The following BCAM variants were observed in gnomAD, a reference collection of about 807,000 sequenced individuals.
BCAM encodes basal cell adhesion molecule (Lutheran blood group).
BCAM carries 61 observed loss-of-function variants against 72.4 expected under a neutral mutation model. The ratio of observed to expected loss-of-function variants is 0.84; its 90% CI spans 0.69 to 1.04. BCAM has a LOEUF of 1.04. Ranked by LOEUF, BCAM falls within the 50% of genes least tolerant of loss-of-function variation. BCAM has a pLI of 0.00. For synonymous variants in BCAM, 408 were observed against 384.2 expected, an observed-to-expected ratio of 1.06 and a Z score of -0.73; for missense variants, 909 against 895.0, an observed-to-expected ratio of 1.02 and a Z score of -0.20.
At chr19:44,815,344 C>G (rs1468775937) in intron 8 of BCAM, among the ~76,000 whole-genome samples, 4 of 152,178 alleles carry the variant, frequency 2.6e-5, no homozygotes, top group African/African-American at 9.6e-5. Flanking sequence ...TGGGGAAAGG[C>G]TGTATTCTCC....
Position 44,814,838 on chromosome 19 carries a change from A to C in BCAM, c.1078+78A>C. The C allele has an allele frequency of 7.0e-7, 1 of 1,437,130 alleles. No individual in the cohort carries two copies. The highest frequency in any genetic ancestry group is 9.2e-7 in the Non-Finnish European group (1 of 1,087,388). The allele number at this position is 1,437,130 out of a possible 1,614,324, so 89.0% of individuals were successfully genotyped here. On this transcript the variant is annotated intron_variant, in intron 8 of 14. Transcript: ENST00000270233. This position sits in a 1 kb window ranked among gnomAD's most constrained non-coding sequence, Gnocchi z 4.6. ...CTGCGCCCTCCTCCCTACAGCCCTG[A>C]AGTTGCTCTGTCATCCCAAACACTC... is the stretch of plus-strand genomic sequence containing the variant.
chr19:44,819,368 G>A lies in BCAM; in HGVS notation c.1496G>A (p.Arg499Gln), dbSNP rs772377922. The A allele has an allele frequency of 2.8e-5, 46 of 1,614,046 alleles. No homozygotes were observed. The highest frequency in any genetic ancestry group is 4.5e-5 in the East Asian group (2 of 44,876). ...GGSPAEPIPG[R>Q]QGWVSSSLTL... ...TAGCCCGCAGAGCCAATCCCCGGACGGCAGGGTTGGGTGAGCAGCTCTCTG... is the reference window on the plus strand; with the variant it reads ...TAGCCCGCAGAGCCAATCCCCGGACAGCAGGGTTGGGTGAGCAGCTCTCTG... Residue 499 changes from arginine to glutamine, a missense_variant, in exon 12 of 15, where the codon CGG becomes CAG. By Grantham distance (43) the Arg-to-Gln change is conservative (BLOSUM62 1). Transcript: ENST00000270233.
In BCAM at chr19:44,818,638, G is replaced by A; in HGVS notation, c.1194+1G>A. On this transcript the variant is annotated splice_donor_variant, in intron 9 of 14. Transcript: ENST00000270233. LOFTEE classifies it high-confidence loss of function. The surrounding 1 kb of genome is among the most constrained non-coding windows in gnomAD (Gnocchi z 4.6). Reference sequence around the variant, plus strand: ...CACCCCTGCCCTACGCTGGACCAAGGTGAGAGGGAGAGGAGCCCCCTCGGG... The same window carrying A: ...CACCCCTGCCCTACGCTGGACCAAGATGAGAGGGAGAGGAGCCCCCTCGGG... 6.2e-7 allele frequency: 1 copy of A among 1,613,272 alleles called. No homozygotes were observed. The highest frequency in any genetic ancestry group is 8.5e-7 in the Non-Finnish European group (1 of 1,179,378).
intron 13 of BCAM, chr19:44,820,171 C>T: frequency 4.9e-6 from 5 of 1,016,322 alleles, no homozygotes; most frequent in Non-Finnish European, 5.9e-6. Flanking sequence ...CCCCATCCTC[C>T]CCCAACCTCC....
chr19:44,814,047 G>C lies in BCAM; in HGVS notation c.785-105G>C. Reference sequence around the variant, plus strand: ...TTGAAACCTATGACCCGTAACCTTTGACCCGCCATAGCCCTCACCTGGGAT... The same window carrying C: ...TTGAAACCTATGACCCGTAACCTTTCACCCGCCATAGCCCTCACCTGGGAT... On this transcript the variant is annotated intron_variant, in intron 6 of 14. Transcript: ENST00000270233. This position sits in a 1 kb window ranked among gnomAD's most constrained non-coding sequence, Gnocchi z 4.6. 7.2e-7 allele frequency: 1 copy of C among 1,386,206 alleles called. No individual in the cohort carries two copies. The highest frequency in any genetic ancestry group is 9.6e-7 in the Non-Finnish European group (1 of 1,039,602). 85.9% of individuals were successfully genotyped at this position (1,386,206 alleles called of 1,614,324 possible). A position where few individuals can be genotyped will look rare whatever the true frequency, so the allele number is the denominator to read the frequency against.
At chr19:44,816,236 G>A (rs1471358542) in intron 8 of BCAM, among the ~76,000 whole-genome samples, 3 of 152,182 alleles carry the variant, frequency 2.0e-5, no homozygotes, top group Non-Finnish European at 4.4e-5. Context: ...CTTGAACCCA[G>A]GAAGCGGAGA....
Position 44,812,949 on chromosome 19 carries a change from CAAAAAAA to C in BCAM, c.505-290_505-284del, listed in dbSNP as rs1207051227. On this transcript the variant is annotated intron_variant, in intron 4 of 14. Transcript: ENST00000270233. This position sits in a 1 kb window ranked among gnomAD's most constrained non-coding sequence, Gnocchi z 5.3. ...TGGGCCACAGAGCAATACTCCGTCT[CAAAAAAA>C]AAAAAAAAAAGAAGAAGAAAAGAAA... The C allele has an allele frequency of 5.1e-6, 1 of 194,186 alleles. No individual in the cohort carries two copies. Among genetic ancestry groups the C allele is most frequent in the Middle Eastern group, 1.4e-3 (1 of 704 alleles). The allele number at this position is 194,186 out of a possible 1,614,324, so 12.0% of individuals were successfully genotyped here.
At position 44,813,323 on chromosome 19, in the gene BCAM, A is replaced by C. The variant is rs778925836; in HGVS notation, c.578A>C (p.Glu193Ala). 2 of 1,613,956 alleles carry C rather than the reference A, an allele frequency of 1.2e-6. No individual in the cohort carries two copies. Among genetic ancestry groups the C allele is most frequent in the East Asian group, 2.2e-5 (1 of 44,884 alleles). ...ITWYRNGQRL[E>A]VPVEMNPEGY... ...TGGTATCGCAACGGGCAGCGCCTGG[A>C]GGTGCCCGTAGAGATGAACCCAGGT... Residue 193 changes from glutamate (E) to alanine (A), a missense_variant, in exon 5 of 15, where the codon GAG becomes GCG. Physicochemically the swap from Glu to Ala is moderately radical, Grantham distance 107. Coordinates refer to ENST00000270233, the MANE Select transcript of BCAM (RefSeq NM_005581.5). The surrounding 1 kb of genome is among the most constrained non-coding windows in gnomAD (Gnocchi z 4.2).
Position 44,819,408 on chromosome 19 carries a change from C to T in BCAM, c.1536C>T (p.Thr512=). 6 of 1,614,088 alleles carry T rather than the reference C, an allele frequency of 3.7e-6. No homozygotes were observed. Among genetic ancestry groups the T allele is most frequent in the Non-Finnish European group, 5.1e-6 (6 of 1,179,962 alleles). ...WVSSSLTLKV[T]SALSRDGISC... Reference sequence around the variant, plus strand: ...GCAGCTCTCTGACCCTGAAAGTGACCAGCGCCCTGAGCCGCGATGGCATCT... The same window carrying T: ...GCAGCTCTCTGACCCTGAAAGTGACTAGCGCCCTGAGCCGCGATGGCATCT... The change falls in exon 12 of 15, where the codon ACC becomes ACT. Residue 512 remains threonine, a synonymous_variant. Coordinates refer to ENST00000270233, the MANE Select transcript of BCAM (RefSeq NM_005581.5).
rs1403647519 is a variant in BCAM, at chr19:44,818,080, G to C, written c.1079-442G>C. On this transcript the variant is annotated intron_variant, in intron 8 of 14. Transcript: ENST00000270233. The surrounding 1 kb of genome is among the most constrained non-coding windows in gnomAD (Gnocchi z 4.6). Reference sequence around the variant, plus strand: ...GGTCAAGACAGGAGGATCACTTGAGGCCAGGAGTTTGAGACCCAGCCTGGC... The same window carrying C: ...GGTCAAGACAGGAGGATCACTTGAGCCCAGGAGTTTGAGACCCAGCCTGGC... Among the ~76,000 whole-genome samples the C allele has an allele frequency of 6.6e-6, 1 of 152,170 alleles. No homozygotes were observed. The highest frequency in any genetic ancestry group is 2.4e-5 in the African/African-American group (1 of 41,452).
intron 13 of BCAM, chr19:44,820,173 C>G (rs962683947): frequency 2.0e-4 from 203 of 1,018,558 alleles, no homozygotes; most frequent in Non-Finnish European, 2.2e-4. Flanking sequence ...CCATCCTCCC[C>G]CAACCTCCAG....
At position 44,812,534 on chromosome 19, in the gene BCAM, G is replaced by A; in HGVS notation, c.490G>A (p.Asp164Asn). ...CAAAGGGACACTGTCTGTGATGGAG[G>A]ACTCTGCCCAGGAGGTACCTCTCGG... ...PNKGTLSVME[D>N]SAQEIATCNS... The change falls in exon 4 of 15, where the codon GAC becomes AAC. Residue 164 changes from aspartate (D) to asparagine (N), a missense_variant. By Grantham distance (23) the Asp-to-Asn change is conservative. Coordinates refer to ENST00000270233, the MANE Select transcript of BCAM (RefSeq NM_005581.5). This position sits in a 1 kb window ranked among gnomAD's most constrained non-coding sequence, Gnocchi z 5.3. 1 of 1,614,224 alleles carries A rather than the reference G, an allele frequency of 6.2e-7. No homozygotes were observed. The highest frequency in any genetic ancestry group is 8.5e-7 in the Non-Finnish European group (1 of 1,180,024).
Position 44,811,900 on chromosome 19 carries a change from G to A in BCAM, c.205-263G>A, listed in dbSNP as rs1050604201. 10 of 539,016 alleles carry A rather than the reference G, an allele frequency of 1.9e-5. No homozygotes were observed. In the Admixed American group the frequency reaches 2.3e-4, roughly 12 times the overall value. The allele number at this position is 539,016 out of a possible 1,614,324, so 33.4% of individuals were successfully genotyped here. On this transcript the variant is annotated intron_variant, in intron 2 of 14. Coordinates refer to ENST00000270233, the MANE Select transcript of BCAM (RefSeq NM_005581.5). ...CTCTATCTCAAAAAAAAAGAGGAAA[G>A]AAAATGAGAGACAATCGGGAGAGGG...
rs753942736 is a variant in BCAM, at chr19:44,813,573, GC to G, written c.739del (p.Arg247AlafsTer68). On this transcript the variant is annotated frameshift_variant, in exon 6 of 15. Transcript: ENST00000270233. LOFTEE classifies it high-confidence loss of function. This position sits in a 1 kb window ranked among gnomAD's most constrained non-coding sequence, Gnocchi z 4.2. The stretch of plus-strand genomic sequence containing the variant: ...GCCGCCCACTACAGCCTGCCCGAGG[GC>G]CGCCACGGCCGCCTGGACAGCCCCA... The part of the protein sequence containing the change: ...HCAAHYSLPE[G>X]RHGRLDSPTF... 1 of 1,612,356 alleles carries G rather than the reference GC, an allele frequency of 6.2e-7. No homozygotes were observed. The highest frequency in any genetic ancestry group is 1.1e-5 in the South Asian group (1 of 91,036).
At position 44,812,435 on chromosome 19, in the gene BCAM, G is replaced by C. The variant is rs1213134731; in HGVS notation, c.434-43G>C. On this transcript the variant is annotated intron_variant, in intron 3 of 14. Transcript: ENST00000270233. The surrounding 1 kb of genome is among the most constrained non-coding windows in gnomAD (Gnocchi z 5.3). The stretch of plus-strand genomic sequence containing the variant: ...CCCCCGAAGGGAGGCAGGCAGGGAG[G>C]GGCGCAGGGCAGGGGCTCCTGACGT... 6.2e-7 allele frequency: 1 copy of C among 1,614,064 alleles called. No homozygotes were observed. Among genetic ancestry groups the C allele is most frequent in the Non-Finnish European group, 8.5e-7 (1 of 1,180,014 alleles).
chr19:44,819,130 C>T lies in BCAM; in HGVS notation c.1411C>T (p.Leu471Phe). 1 of 1,614,154 alleles carries T rather than the reference C, an allele frequency of 6.2e-7. No homozygotes were observed. Among genetic ancestry groups the T allele is most frequent in the Admixed American group, 1.7e-5 (1 of 60,010 alleles). Residue 471 changes from leucine (L) to phenylalanine (F), a missense_variant, in exon 11 of 15, where the codon CTC becomes TTC. By Grantham distance (22) the Leu-to-Phe change is conservative (BLOSUM62 0). Transcript: ENST00000270233. ...GSWREGDEVT[L>F]ICSARGHPDP... is the part of the protein sequence containing the mutation. ...CTGGAGGGAAGGAGACGAAGTCACA[C>T]TCATCTGCTCTGCCCGCGGCCATCC...
chr19:44,820,412 A>C (rs1314451631), intron 13 of BCAM: 23 of 1,177,536 alleles, frequency 2.0e-5, no homozygotes, highest in Non-Finnish European at 2.2e-5. Flanking sequence ...TCCAGCCCCA[A>C]CCACATGGCC....
intron 8 of BCAM, among the ~76,000 whole-genome samples, chr19:44,817,194 G>A (rs1333379125): frequency 2.0e-5 from 3 of 152,076 alleles, no homozygotes; most frequent in Admixed American, 2.0e-4. Context: ...CTGAGATCCC[G>A]CCACTGCACT....
intron 13 of BCAM, 74 bp from the exon 14 acceptor site, chr19:44,820,631 C>T: frequency 1.5e-6 from 2 of 1,365,718 alleles, no homozygotes; most frequent in East Asian, 2.9e-5. Flanking sequence ...TCCCACCCAC[C>T]CCCATCCTCA....
Sources: allele counts gnomAD v4.1 joint callset (sites outside exome capture counted in the v4.1 genomes callset), GRCh38; gene constraint gnomAD v4.1.1; non-coding constraint Gnocchi (gnomAD v3.1); transcripts MANE v1.5; gene names NCBI Gene and HGNC (gene_info 2026-07-23, HGNC 2026-07-21).